PAK5: variants seen among roughly 807,000 people sequenced by gnomAD.
PAK5 encodes the protein p21 (RAC1) activated kinase 5.
PAK5 carries 16 observed loss-of-function variants against 65.9 expected under a neutral mutation model. The observed-to-expected ratio is 0.24, with a 90% CI of 0.16 to 0.37. PAK5 has a LOEUF of 0.37. Among genes scored for constraint, PAK5 ranks in the 10% least tolerant of loss-of-function variants. PAK5 has a pLI of 1.00. For synonymous variants in PAK5, 371 were observed against 354.9 expected, an observed-to-expected ratio of 1.05 and a Z score of -0.51; for missense variants, 785 against 903.9, an observed-to-expected ratio of 0.87 and a Z score of 1.69.
intron 3 of PAK5, among the ~76,000 whole-genome samples, chr20:9,610,740 G>A (rs146286870): frequency 1.6e-4 from 24 of 152,222 alleles, no homozygotes; most frequent in Non-Finnish European, 2.4e-4. Flanking sequence ...GTCTGTGCCC[G>A]TAATTTATTG....
chr20:9,650,755 G>C (rs908978861), intron 2 of PAK5, among the ~76,000 whole-genome samples: 2 of 152,046 alleles, frequency 1.3e-5, no homozygotes, highest in Non-Finnish European at 2.9e-5. Context: ...ATACTTGTGG[G>C]GCTTATGGTC....
At chr20:9,639,901 T>C (rs1448416664) in intron 3 of PAK5, among the ~76,000 whole-genome samples, 2 of 152,210 alleles carry the variant, frequency 1.3e-5, no homozygotes, top group African/African-American at 4.8e-5. Flanking sequence ...GTGTTACCAC[T>C]AAGATGAAAG....
At chr20:9,814,578 G>C (rs144741435) in intron 1 of PAK5, among the ~76,000 whole-genome samples, 1 of 152,260 alleles carries the variant, frequency 6.6e-6, no homozygotes, top group Non-Finnish European at 1.5e-5. Context: ...CCTTGTAAAA[G>C]TGTTCTTTTA....
intron 1 of PAK5, among the ~76,000 whole-genome samples, chr20:9,801,135 A>C (rs183220582): frequency 6.6e-6 from 1 of 152,232 alleles, no homozygotes; most frequent in Admixed American, 6.6e-5. Context: ...TGTTGTCCCT[A>C]TGAGAAAACA....
At chr20:9,763,281 C>A (rs1297758886) in intron 1 of PAK5, among the ~76,000 whole-genome samples, 1 of 152,070 alleles carries the variant, frequency 6.6e-6, no homozygotes, top group African/African-American at 2.4e-5. Context: ...CATGCACACA[C>A]ATGAAATTAT....
chr20:9,543,556 G>A (rs1396831734), intron 8 of PAK5, among the ~76,000 whole-genome samples: 1 of 152,054 alleles, frequency 6.6e-6, no homozygotes, highest in Admixed American at 6.5e-5. Context: ...ACAAGAGAAA[G>A]AGAAAGATTC....
chr20:9,776,286 G>A (rs2048886373), intron 1 of PAK5, among the ~76,000 whole-genome samples: 1 of 152,174 alleles, frequency 6.6e-6, no homozygotes, highest in Non-Finnish European at 1.5e-5. Flanking sequence ...CTATATCTTT[G>A]CTGCCCAAGA....
At chr20:9,733,535 C>T (rs1181393609) in intron 1 of PAK5, among the ~76,000 whole-genome samples, 1 of 152,042 alleles carries the variant, frequency 6.6e-6, no homozygotes, top group Non-Finnish European at 1.5e-5. Context: ...ACCTCTGCCT[C>T]CCAGGTTCAA....
chr20:9,551,494 C>T (rs553284227), intron 7 of PAK5, among the ~76,000 whole-genome samples: 1 of 152,182 alleles, frequency 6.6e-6, no homozygotes, highest in Non-Finnish European at 1.5e-5. Context: ...AATCAGGGTT[C>T]CCACAAAAGA....
Position 9,744,449 on chromosome 20 carries a change from C to A in PAK5, c.-161-33014G>T, listed in dbSNP as rs114579305. Among the ~76,000 whole-genome samples the A allele has an allele frequency of 4.1e-3, 621 of 152,284 alleles. 5 individuals are homozygous for A. The highest frequency in any genetic ancestry group is 0.014 in the African/African-American group (562 of 41,560). On this transcript the variant is annotated intron_variant, in intron 1 of 9. Coordinates refer to ENST00000353224, the MANE Select transcript of PAK5 (RefSeq NM_177990.4). ...CTAGATCATTTAAGCTCATTATAAA[C>A]AAAGACTTTTCTGATGACATTGGCA...
chr20:9,585,077 T>C (rs1050535459), intron 3 of PAK5, among the ~76,000 whole-genome samples: 16 of 152,230 alleles, frequency 1.1e-4, no homozygotes, highest in African/African-American at 3.6e-4. Flanking sequence ...TAAACAATGC[T>C]TAACTATATT....
chr20:9,793,655 T>A (rs1446194489), intron 1 of PAK5, among the ~76,000 whole-genome samples: 1 of 152,048 alleles, frequency 6.6e-6, no homozygotes, highest in Non-Finnish European at 1.5e-5. Context: ...GTCAGAATGA[T>A]GATTATTAAA....
At chr20:9,573,203 GTC>G (rs1245043895) in intron 4 of PAK5, among the ~76,000 whole-genome samples, 4 of 150,552 alleles carry the variant, frequency 2.7e-5, no homozygotes, top group Non-Finnish European at 1.5e-5. Context: ...GCTTTGTCAT[GTC>G]TCTATTCAAA....
At chr20:9,569,017 A>C (rs1414412091) in intron 4 of PAK5, among the ~76,000 whole-genome samples, 2 of 152,160 alleles carry the variant, frequency 1.3e-5, no homozygotes, top group Non-Finnish European at 1.5e-5. Flanking sequence ...TGAAACCTTG[A>C]CTGCAACCTC....
chr20:9,645,680 G>A (rs6086971), intron 2 of PAK5, among the ~76,000 whole-genome samples: 46,189 of 151,824 alleles, frequency 0.3, 7,215 homozygotes, highest in East Asian at 0.38. Context: ...TGCCTCCCGG[G>A]TTCACACCAT....
chr20:9,722,574 T>C (rs1235058473), intron 1 of PAK5, among the ~76,000 whole-genome samples: 1 of 151,426 alleles, frequency 6.6e-6, no homozygotes, highest in Non-Finnish European at 1.5e-5. Flanking sequence ...ATCGCGCCAC[T>C]GCACTCCAGC....
At chr20:9,781,649 C>A (rs2048941522) in intron 1 of PAK5, among the ~76,000 whole-genome samples, 1 of 152,152 alleles carries the variant, frequency 6.6e-6, no homozygotes, top group Non-Finnish European at 1.5e-5. Flanking sequence ...CCACAGCTGT[C>A]TCCATTGAGG....
intron 2 of PAK5, among the ~76,000 whole-genome samples, chr20:9,702,677 G>C (rs146097786): frequency 7.9e-4 from 121 of 152,260 alleles, no homozygotes; most frequent in African/African-American, 2.8e-3. Context: ...CCAAACTGCA[G>C]ATCTATTAGC....
At chr20:9,766,025 C>A (rs1040880276) in intron 1 of PAK5, among the ~76,000 whole-genome samples, 16 of 151,954 alleles carry the variant, frequency 1.1e-4, no homozygotes, top group Non-Finnish European at 1.3e-4. Context: ...AGATCAAGAC[C>A]ATCCTGGCCA....
Sources: gnomAD v4.1 joint callset for allele counts (sites outside exome capture counted in the v4.1 genomes callset) on GRCh38, gnomAD v4.1.1 for gene constraint, MANE v1.5 for transcripts, NCBI Gene and HGNC (gene_info 2026-07-23, HGNC 2026-07-21) for gene names.